The following C2CD2L variants were observed in gnomAD, a reference collection of about 807,000 sequenced individuals.
The protein encoded by C2CD2L is C2CD2 like.
C2CD2L carries 24 observed loss-of-function variants against 69.9 expected under a neutral mutation model. The ratio of observed to expected loss-of-function variants is 0.34; its 90% CI spans 0.25 to 0.48. The LOEUF (loss-of-function observed/expected upper bound fraction) is 0.48. C2CD2L is among the 20% of genes least tolerant of loss of function. C2CD2L has a pLI of 0.99. For missense variants in C2CD2L, 811 were observed against 941.5 expected (o/e 0.86, Z 1.81); for synonymous variants, 367 against 391.0 (o/e 0.94, Z 0.72).
Position 119,109,445 on chromosome 11 carries a change from G to C in C2CD2L, c.355-659G>C, listed in dbSNP as rs1460714096. Reference sequence around the variant, plus strand: ...GCTCTCTAATACCGTCCTGCTATCTGCCTTGAGGAATTAGCCAGGCCCCTG... The same window carrying C: ...GCTCTCTAATACCGTCCTGCTATCTCCCTTGAGGAATTAGCCAGGCCCCTG... On this transcript the variant is annotated intron_variant, in intron 1 of 13. Transcript: ENST00000648610. The surrounding 1 kb of genome is among the most constrained non-coding windows in gnomAD (Gnocchi z 5.1). Among the ~76,000 whole-genome samples the C allele has an allele frequency of 6.6e-6, 1 of 152,192 alleles. No individual in the cohort carries two copies.
chr11:119,103,017 C>G (rs1464058028), upstream of C2CD2L, among the ~76,000 whole-genome samples: 2 of 151,778 alleles, frequency 1.3e-5, no homozygotes, highest in Admixed American at 6.6e-5. Flanking sequence ...GGATTACAGG[C>G]AGTAGCTGGA....
At position 119,112,563 on chromosome 11, in the gene C2CD2L, C is replaced by T; in HGVS notation, c.1166C>T (p.Pro389Leu). Reference protein sequence around the residue: ...LSRRQLCPLTPGPGKALGPAA... With the variant: ...LSRRQLCPLTLGPGKALGPAA... ...CGAAGACAGTTGTGCCCACTCACCCCAGGGCCAGGGAAAGCCCTGGGACCA... is the reference window on the plus strand; with the variant it reads ...CGAAGACAGTTGTGCCCACTCACCCTAGGGCCAGGGAAAGCCCTGGGACCA... Residue 389 changes from proline to leucine, a missense_variant, in exon 9 of 14, where the codon CCA becomes CTA. Pro to Leu is a moderately conservative substitution (Grantham distance 98). Coordinates refer to ENST00000648610, the MANE Select transcript of C2CD2L (RefSeq NM_001290474.2). 1 of 1,612,882 alleles carries T rather than the reference C, an allele frequency of 6.2e-7. No homozygotes were observed. Among genetic ancestry groups the T allele is most frequent in the Non-Finnish European group, 8.5e-7 (1 of 1,179,698 alleles).
chr11:119,113,603 C>G lies in C2CD2L; in HGVS notation c.1388-8C>G. On this transcript the variant is annotated splice_polypyrimidine_tract_variant and splice_region_variant and intron_variant, in intron 10 of 13. Coordinates refer to ENST00000648610, the MANE Select transcript of C2CD2L (RefSeq NM_001290474.2). Reference sequence around the variant, plus strand: ...CTCCCAGCTCACTGACCCTCCCCCACCCACCAGACTCCCCCTCCCGCTCCC... The same window carrying G: ...CTCCCAGCTCACTGACCCTCCCCCAGCCACCAGACTCCCCCTCCCGCTCCC... 1.9e-6 allele frequency: 3 copies of G among 1,608,578 alleles called. No individual in the cohort carries two copies. Among genetic ancestry groups the G allele is most frequent in the Non-Finnish European group, 2.5e-6 (3 of 1,176,646 alleles).
Position 119,112,584 on chromosome 11 carries a change from G to A in C2CD2L, c.1187G>A (p.Gly396Glu), listed in dbSNP as rs771581644. Residue 396 changes from glycine (G) to glutamate (E), a missense_variant, in exon 9 of 14, where the codon GGA (glycine) becomes GAA (glutamate). Physicochemically the swap from Gly to Glu is moderately conservative, Grantham distance 98 (BLOSUM62 -2). Coordinates refer to ENST00000648610, the MANE Select transcript of C2CD2L (RefSeq NM_001290474.2). ...ACCCCAGGGCCAGGGAAAGCCCTGGGACCAGCAGCCACCATGGCAGTGGAG... is the reference window on the plus strand; with the variant it reads ...ACCCCAGGGCCAGGGAAAGCCCTGGAACCAGCAGCCACCATGGCAGTGGAG... ...PLTPGPGKAL[G>E]PAATMAVELH... 1.2e-6 allele frequency: 2 copies of A among 1,611,480 alleles called. No individual in the cohort carries two copies. The highest frequency in any genetic ancestry group is 1.1e-5 in the South Asian group (1 of 90,956).
chr11:119,114,469 T>C lies in C2CD2L; in HGVS notation c.1909+104T>C, dbSNP rs200619382. 6.7e-4 allele frequency: 795 copies of C among 1,187,542 alleles called. 11 individuals carry two copies. The East Asian group carries it at 0.017, about 25-fold the overall frequency. 73.6% of individuals were successfully genotyped at this position (1,187,542 alleles called of 1,614,324 possible). A position where few individuals can be genotyped will look rare whatever the true frequency, so the allele number is the denominator to read the frequency against. ...GCCTTCTCCTTCCTCCCCTAAGAGA[T>C]AGCCGGATTCCCAGCCTAGTTCAGC... On this transcript the variant is annotated intron_variant, in intron 13 of 13. Transcript: ENST00000648610. This position sits in a 1 kb window ranked among gnomAD's most constrained non-coding sequence, Gnocchi z 5.1.
chr11:119,114,203 A>G lies in C2CD2L; in HGVS notation c.1747A>G (p.Met583Val). 1.9e-6 allele frequency: 3 copies of G among 1,614,124 alleles called. No individual in the cohort carries two copies. Among genetic ancestry groups the G allele is most frequent in the Non-Finnish European group, 2.5e-6 (3 of 1,180,010 alleles). Residue 583 changes from methionine to valine, a missense_variant, in exon 13 of 14, where the codon ATG becomes GTG. Coordinates refer to ENST00000648610, the MANE Select transcript of C2CD2L (RefSeq NM_001290474.2). The surrounding 1 kb of genome is among the most constrained non-coding windows in gnomAD (Gnocchi z 5.1). ...PSSPPSDPPA[M>V]SPGPLDALSS... ...TTCACCTCCCTCAGACCCACCAGCC[A>G]TGTCTCCAGGACCGCTAGATGCCCT...
In C2CD2L at chr11:119,107,894, C is replaced by A; in HGVS notation, c.153C>A (p.Ala51=). ...GCGGGGACCGGGGCCCGGGACCCGC[C>A]TTAGCCGGGGAACCCGCGGGTTCCC... ...RARGDRGPGP[A]LAGEPAGSLR... is the part of the protein sequence containing the mutation. The change falls in exon 1 of 14, where the codon GCC becomes GCA. Residue 51 remains alanine (A), a synonymous_variant. Transcript: ENST00000648610. The surrounding 1 kb of genome is among the most constrained non-coding windows in gnomAD (Gnocchi z 5.4). 6.6e-7 allele frequency: 1 copy of A among 1,523,300 alleles called. No homozygotes were observed. Among genetic ancestry groups the A allele is most frequent in the Non-Finnish European group, 8.8e-7 (1 of 1,142,520 alleles). The allele number at this position is 1,523,300 out of a possible 1,614,324, so 94.4% of individuals were successfully genotyped here.
At chr11:119,104,393 G>T (rs1307804941), upstream of C2CD2L, among the ~76,000 whole-genome samples, 5 of 152,076 alleles carry the variant, frequency 3.3e-5, no homozygotes, top group African/African-American at 1.2e-4. Flanking sequence ...CACCCTCCTG[G>T]GGAGGGTGGA....
At chr11:119,102,348 C>G (rs930348179), upstream of C2CD2L, 4 of 470,998 alleles carry the variant, frequency 8.5e-6, no homozygotes, top group African/African-American at 8.0e-5. Context: ...TTGCAGGAAA[C>G]CTGTTGCCAA....
In C2CD2L at chr11:119,110,714, G is replaced by C; in HGVS notation, c.570+34G>C. ...GGATGTGGGAAACTGAGTTGGGCAG[G>C]GGCGGTTCCATTGGCTCAGCTTCTT... is the stretch of plus-strand genomic sequence containing the variant. On this transcript the variant is annotated intron_variant, in intron 3 of 13. Transcript: ENST00000648610. This position sits in a 1 kb window ranked among gnomAD's most constrained non-coding sequence, Gnocchi z 5.7. The C allele has an allele frequency of 6.2e-7, 1 of 1,612,506 alleles. No individual in the cohort carries two copies. Among genetic ancestry groups the C allele is most frequent in the Non-Finnish European group, 8.5e-7 (1 of 1,178,808 alleles).
chr11:119,114,273 C>T lies in C2CD2L; in HGVS notation c.1817C>T (p.Ser606Leu), dbSNP rs750402851. 1.7e-5 allele frequency: 28 copies of T among 1,614,040 alleles called. No homozygotes were observed. The highest frequency in any genetic ancestry group is 2.3e-5 in the Non-Finnish European group (27 of 1,180,032). Residue 606 changes from serine to leucine, a missense_variant, in exon 13 of 14, where the codon TCG (serine) becomes TTG (leucine). Ser to Leu is a moderately radical substitution (Grantham distance 145). Transcript: ENST00000648610. The surrounding 1 kb of genome is among the most constrained non-coding windows in gnomAD (Gnocchi z 5.1). Reference protein sequence around the residue: ...SVQEADETTRSDISERPSVDD... With the variant: ...SVQEADETTRLDISERPSVDD... ...CAGGAAGCAGACGAGACAACCCGTTCGGATATTTCTGAGAGGCCATCTGTG... is the reference window on the plus strand; with the variant it reads ...CAGGAAGCAGACGAGACAACCCGTTTGGATATTTCTGAGAGGCCATCTGTG...
Position 119,110,778 on chromosome 11 carries a change from G to A in C2CD2L, c.571-69G>A. ...CTCTGGGATGGAATTCAGGAAGGGA[G>A]AGTCCTCGAATTAGGAGTCCTTGGG... On this transcript the variant is annotated intron_variant, in intron 3 of 13. Transcript: ENST00000648610. The surrounding 1 kb of genome is among the most constrained non-coding windows in gnomAD (Gnocchi z 5.7). 6.2e-7 allele frequency: 1 copy of A among 1,606,182 alleles called. No individual in the cohort carries two copies. The highest frequency in any genetic ancestry group is 1.1e-5 in the South Asian group (1 of 90,614).
upstream of C2CD2L, among the ~76,000 whole-genome samples, chr11:119,106,529 T>C (rs1946592800): frequency 6.6e-6 from 1 of 152,048 alleles, no homozygotes; most frequent in African/African-American, 2.4e-5. Context: ...AGGCCAGAGG[T>C]TGGGCAGTGT....
Position 119,114,148 on chromosome 11 carries a change from G to C in C2CD2L, c.1692G>C (p.Gln564His). 1 of 1,614,186 alleles carries C rather than the reference G, an allele frequency of 6.2e-7. No homozygotes were observed. Among genetic ancestry groups the C allele is most frequent in the Non-Finnish European group, 8.5e-7 (1 of 1,180,016 alleles). Reference protein sequence around the residue: ...GYAASLEASVQDDAGTSGGPS... With the variant: ...GYAASLEASVHDDAGTSGGPS... ...CGGCATCCCTGGAAGCCTCAGTGCA[G>C]GATGATGCAGGGACCAGCGGAGGCC... Residue 564 changes from glutamine to histidine, a missense_variant, in exon 13 of 14, where the codon CAG (glutamine) becomes CAC (histidine). Coordinates refer to ENST00000648610, the MANE Select transcript of C2CD2L (RefSeq NM_001290474.2). The surrounding 1 kb of genome is among the most constrained non-coding windows in gnomAD (Gnocchi z 5.1).
upstream of C2CD2L, chr11:119,102,387 T>C (rs1448230531): frequency 2.1e-6 from 1 of 465,262 alleles, no homozygotes; most frequent in Admixed American, 2.4e-5. Flanking sequence ...TAAACACAAC[T>C]CAGTTCCCGG....
Position 119,113,647 on chromosome 11 carries a change from C to G in C2CD2L, c.1424C>G (p.Thr475Ser), listed in dbSNP as rs1157043761. The G allele has an allele frequency of 1.2e-6, 2 of 1,613,742 alleles. No homozygotes were observed. The highest frequency in any genetic ancestry group is 2.2e-5 in the South Asian group (2 of 91,060). ...PSRSPSKVEVTEKTTTVLSES... is the reference protein window; with the variant it reads ...PSRSPSKVEVSEKTTTVLSES... ...CGCTCCCCGTCCAAGGTGGAGGTGA[C>G]CGAGAAGACGACAACTGTGCTGAGT... is the stretch of plus-strand genomic sequence containing the variant. Residue 475 changes from threonine to serine, a missense_variant, in exon 11 of 14, where the codon ACC becomes AGC. Transcript: ENST00000648610.
In C2CD2L at chr11:119,114,797, G is replaced by A; in HGVS notation, c.1909+432G>A. On this transcript the variant is annotated intron_variant, in intron 13 of 13. Transcript: ENST00000648610. This position sits in a 1 kb window ranked among gnomAD's most constrained non-coding sequence, Gnocchi z 5.1. ...CTACTAAAAATACAATAAATTGGCTGGGCGTAGTGGCACACACCTGTAATC... is the reference window on the plus strand; with the variant it reads ...CTACTAAAAATACAATAAATTGGCTAGGCGTAGTGGCACACACCTGTAATC... 4.4e-6 allele frequency: 1 copy of A among 226,850 alleles called. No homozygotes were observed. Among genetic ancestry groups the A allele is most frequent in the Non-Finnish European group, 8.9e-6 (1 of 112,884 alleles). 14.1% of individuals were successfully genotyped at this position (226,850 alleles called of 1,614,324 possible). A position where few individuals can be genotyped will look rare whatever the true frequency, so the allele number is the denominator to read the frequency against.
At position 119,112,766 on chromosome 11, in the gene C2CD2L, A is replaced by G. The variant is rs1252830998; in HGVS notation, c.1279A>G (p.Ile427Val). Residue 427 changes from isoleucine to valine, a missense_variant, in exon 10 of 14, where the codon ATC becomes GTC. Physicochemically the swap from Ile to Val is conservative, Grantham distance 29. Transcript: ENST00000648610. ...CACCTCCTCCACTCCACGCCCCAGC[A>G]TCACACCTACCAAGAAGATTGAGCT... ...TPTSSTPRPS[I>V]TPTKKIELDR... 2 of 1,613,948 alleles carry G rather than the reference A, an allele frequency of 1.2e-6. No homozygotes were observed. Among genetic ancestry groups the G allele is most frequent in the East Asian group, 4.5e-5 (2 of 44,890 alleles).
intron 1 of C2CD2L, chr11:119,108,481 A>C: frequency 1.1e-5 from 2 of 185,630 alleles, no homozygotes; most frequent in Non-Finnish European, 1.1e-5. Context: ...TTAACATTTC[A>C]TGCCCCAAAT....
Sources: gnomAD v4.1 joint callset for allele counts (sites outside exome capture counted in the v4.1 genomes callset) on GRCh38, gnomAD v4.1.1 for gene constraint, Gnocchi (gnomAD v3.1) non-coding constraint, MANE v1.5 for transcripts, NCBI Gene and HGNC (gene_info 2026-07-23, HGNC 2026-07-21) for gene names.